Variants in DNAI7 observed in about 807,000 individuals in gnomAD.
DNAI7 encodes the protein dynein axonemal intermediate chain 7.
Under a neutral mutation model 86.6 loss-of-function variants are expected in DNAI7, and 78 were observed. The observed-to-expected ratio is 0.90, with a 90% CI of 0.75 to 1.09. The LOEUF (loss-of-function observed/expected upper bound fraction) is 1.09. Ranked by LOEUF, DNAI7 falls within the 50% of genes least tolerant of loss-of-function variation. The pLI is 0.00. For synonymous variants in DNAI7, 274 were observed against 273.0 expected (o/e 1.00, Z -0.04); for missense variants, 753 against 810.2 (o/e 0.93, Z 0.86).
chr12:25,150,513 A>G (rs1043643933), intron 6 of DNAI7, among the ~76,000 whole-genome samples: 1 of 145,418 alleles, frequency 6.9e-6, no homozygotes, highest in South Asian at 2.2e-4. Context: ...CTGAGTCAGG[A>G]GGATGGTGTG....
At chr12:25,161,276 T>C in intron 2 of DNAI7, 79 bp from the exon 3 acceptor site, 2 of 1,259,660 alleles carry the variant, frequency 1.6e-6, no homozygotes, top group Non-Finnish European at 1.2e-6. Context: ...ATACTAATTA[T>C]GAAAAACATT....
intron 4 of DNAI7, 66 bp from the exon 5 acceptor site, chr12:25,155,478 T>C (rs1291021077): frequency 2.5e-6 from 2 of 796,450 alleles, no homozygotes; most frequent in East Asian, 2.7e-5. Flanking sequence ...ACAAGTAGCA[T>C]CTAAAACTGA....
intron 2 of DNAI7, among the ~76,000 whole-genome samples, chr12:25,183,416 AAAAC>A (rs1215657252): frequency 6.6e-6 from 1 of 152,004 alleles, no homozygotes; most frequent in African/African-American, 2.4e-5. Context: ...TGCTCAAAAC[AAAAC>A]AAATAAACAA....
intron 9 of DNAI7, among the ~76,000 whole-genome samples, chr12:25,136,433 C>G (rs1316627331): frequency 1.3e-5 from 2 of 152,148 alleles, no homozygotes; most frequent in Non-Finnish European, 2.9e-5. Flanking sequence ...CAGATCTTTC[C>G]TCTCATATAG....
intron 7 of DNAI7, 58 bp downstream of exon 7, chr12:25,149,570 A>G (rs1945255655): frequency 8.1e-7 from 1 of 1,228,446 alleles, no homozygotes; most frequent in African/African-American, 1.5e-5. Flanking sequence ...GGATTATTTT[A>G]TAACATAAAA....
Position 25,114,820 on chromosome 12 carries a change from C to T in DNAI7, c.1447G>A (p.Glu483Lys), listed in dbSNP as rs761067876. ...GISNVSYKPK[E>K]RLVTFSLDTF... ...TCCAGGCTGAATGTTACAAGTCTTT[C>T]TTTTGGTTTGTAGGATACATTGCTG... Residue 483 changes from glutamate (E) to lysine (K), a missense_variant, in exon 13 of 16, where the codon GAA becomes AAA. By Grantham distance (56) the Glu-to-Lys change is moderately conservative (BLOSUM62 1). Transcript: ENST00000395987. 6.2e-7 allele frequency: 1 copy of T among 1,614,044 alleles called. No individual in the cohort carries two copies.
intron 9 of DNAI7, among the ~76,000 whole-genome samples, chr12:25,136,909 G>A (rs1943620172): frequency 6.6e-6 from 1 of 152,130 alleles, no homozygotes; most frequent in Non-Finnish European, 1.5e-5. Flanking sequence ...CAAGAAGTCT[G>A]GGATTATGTA....
chr12:25,129,162 C>T (rs909174790), intron 9 of DNAI7, among the ~76,000 whole-genome samples: 2 of 152,182 alleles, frequency 1.3e-5, no homozygotes, highest in East Asian at 3.8e-4. Flanking sequence ...TCATCTGGGT[C>T]TCGGCTAAAT....
chr12:25,119,789 C>T (rs1294512307), intron 11 of DNAI7, among the ~76,000 whole-genome samples: 2 of 152,016 alleles, frequency 1.3e-5, no homozygotes, highest in Non-Finnish European at 2.9e-5. Context: ...AGTGAATTAA[C>T]CAGACAGCAG....
At chr12:25,139,522 A>G (rs1286354551) in intron 9 of DNAI7, among the ~76,000 whole-genome samples, 1 of 152,228 alleles carries the variant, frequency 6.6e-6, no homozygotes, top group African/African-American at 2.4e-5. Flanking sequence ...CAGCCATAAA[A>G]AAGGATGAGT....
At position 25,190,607 on chromosome 12, in the gene DNAI7, T is replaced by A. The variant is rs1950431923; in HGVS notation, c.21+7A>T. The stretch of plus-strand genomic sequence containing the variant: ...CAACTATCTATTTTGAAAAAAATTC[T>A]ACATACCTTTTTTGCTTTGGGACCC... On this transcript the variant is annotated splice_region_variant and intron_variant, in intron 2 of 15. Transcript: ENST00000395987. The A allele has an allele frequency of 7.2e-7, 1 of 1,379,552 alleles. No individual in the cohort carries two copies. Among genetic ancestry groups the A allele is most frequent in the South Asian group, 1.4e-5 (1 of 70,858 alleles). The allele number at this position is 1,379,552 out of a possible 1,614,324, so 85.5% of individuals were successfully genotyped here. A position where few individuals can be genotyped will look rare whatever the true frequency, so the allele number is the denominator to read the frequency against.
chr12:25,134,436 A>G (rs1307657503), intron 9 of DNAI7, among the ~76,000 whole-genome samples: 1 of 129,164 alleles, frequency 7.7e-6, no homozygotes, highest in African/African-American at 2.9e-5. Flanking sequence ...GGCTCATTGC[A>G]ACCTCTGCCT....
At chr12:25,146,928 T>C (rs1179518702) in intron 8 of DNAI7, 73 bp downstream of exon 8, 2 of 787,834 alleles carry the variant, frequency 2.5e-6, no homozygotes, top group South Asian at 3.0e-5. Flanking sequence ...GCAATAGGCA[T>C]CTATCTGGCA....
intron 13 of DNAI7, 41 bp from the exon 14 acceptor site, chr12:25,111,980 A>G: frequency 1.5e-6 from 2 of 1,358,856 alleles, no homozygotes; most frequent in South Asian, 2.7e-5. Flanking sequence ...TGTAAGTTAA[A>G]TCATTACTTC....
chr12:25,148,838 C>G (rs1405488914), intron 7 of DNAI7, among the ~76,000 whole-genome samples: 1 of 152,170 alleles, frequency 6.6e-6, no homozygotes, highest in African/African-American at 2.4e-5. Context: ...TGCTTGCCTT[C>G]TAGCACAGTA....
intron 3 of DNAI7, among the ~76,000 whole-genome samples, chr12:25,160,755 A>G (rs1946756141): frequency 6.6e-6 from 1 of 152,192 alleles, no homozygotes; most frequent in African/African-American, 2.4e-5. Context: ...TTTATATTCG[A>G]GTGCTATTTC....
rs751608190 is a variant in DNAI7 at position 25,194,999 on chromosome 12, T to G, written c.3+77A>C. 1.4e-5 allele frequency: 23 copies of G among 1,614,048 alleles called. No individual in the cohort carries two copies. In the East Asian group the frequency reaches 5.1e-4, roughly 36 times the overall value. Reference sequence around the variant, plus strand: ...TTCGCTGTAAAATATGACTGGCTCTTGATTACATTATTTAACACTGGTGAA... The same window carrying G: ...TTCGCTGTAAAATATGACTGGCTCTGGATTACATTATTTAACACTGGTGAA... On this transcript the variant is annotated intron_variant, in intron 1 of 15. Coordinates refer to ENST00000395987, the MANE Select transcript of DNAI7 (RefSeq NM_018272.5).
intron 2 of DNAI7, among the ~76,000 whole-genome samples, chr12:25,170,629 C>G (rs1464677646): frequency 2.0e-5 from 3 of 152,110 alleles, no homozygotes; most frequent in Admixed American, 6.6e-5. Flanking sequence ...AAGAAATGGA[C>G]TTAACAGGTA....
chr12:25,167,342 C>T (rs376451887), intron 2 of DNAI7, among the ~76,000 whole-genome samples: 1 of 152,098 alleles, frequency 6.6e-6, no homozygotes, highest in Non-Finnish European at 1.5e-5. Flanking sequence ...GAGAATTTGC[C>T]CCCGCCCAGG....
Sources: allele counts gnomAD v4.1 joint callset (sites outside exome capture counted in the v4.1 genomes callset), GRCh38; gene constraint gnomAD v4.1.1; transcripts MANE v1.5; gene names NCBI Gene and HGNC (gene_info 2026-07-23, HGNC 2026-07-21).